Variants in SKA2 observed in about 807,000 individuals in gnomAD.
SKA2 encodes spindle and kinetochore-associated protein 2.
In SKA2, 13 loss-of-function variants were observed where a neutral mutation model predicts 16.9. The ratio of observed to expected loss-of-function variants is 0.77; its 90% CI spans 0.50 to 1.22. SKA2 has a LOEUF of 1.22. Among genes scored for constraint, SKA2 ranks in the 50% most tolerant of loss-of-function variants. SKA2 has a pLI of 0.00. For missense variants in SKA2, 107 were observed against 139.7 expected, an observed-to-expected ratio of 0.77 and a Z score of 1.18; for synonymous variants, 47 against 48.5, an observed-to-expected ratio of 0.97 and a Z score of 0.13.
intron 1 of SKA2, among the ~76,000 whole-genome samples, chr17:59,142,599 AT>A (rs1021694311): frequency 5.4e-4 from 80 of 149,172 alleles, no homozygotes; most frequent in Admixed American, 1.7e-3. Context: ...CTATGTATGT[AT>A]TTTTTTAATT....
At chr17:59,137,465 A>G (rs2046454359) in intron 1 of SKA2, among the ~76,000 whole-genome samples, 1 of 152,218 alleles carries the variant, frequency 6.6e-6, no homozygotes, top group South Asian at 2.1e-4. Context: ...GATACATGGT[A>G]GAAATTCTAG....
chr17:59,146,843 T>G (rs1003866469), intron 1 of SKA2, among the ~76,000 whole-genome samples: 1 of 152,152 alleles, frequency 6.6e-6, no homozygotes, highest in Admixed American at 6.6e-5. Context: ...GTTTTTACTT[T>G]TATTTTTAGT....
At position 59,130,626 on chromosome 17, in the gene SKA2, C is replaced by CA. The variant is rs1002412711; in HGVS notation, c.120+654dup. On this transcript the variant is annotated intron_variant, in intron 2 of 3. Transcript: ENST00000330137. ...GCCTGGACGACAGAGTGATCCGTCT[C>CA]AAAAAAAAAAAAAGATAAATATTAA... Among the ~76,000 whole-genome samples, 160 of 123,892 alleles carry CA rather than the reference C, an allele frequency of 1.3e-3. 1 individual carries two copies. The highest frequency in any genetic ancestry group is 2.3e-3 in the Admixed American group (27 of 11,948). The allele number at this position is 123,892 out of a possible 152,430, so 81.3% of individuals were successfully genotyped here. A position where few individuals can be genotyped will look rare whatever the true frequency, so the allele number is the denominator to read the frequency against.
intron 1 of SKA2, among the ~76,000 whole-genome samples, chr17:59,144,995 AC>A (rs1339984118): frequency 1.3e-5 from 2 of 152,064 alleles, no homozygotes; most frequent in Non-Finnish European, 2.9e-5. Context: ...ACGGGGTTTC[AC>A]CATGTTGCCC....
chr17:59,136,551 C>CTT (rs879557756), intron 1 of SKA2, among the ~76,000 whole-genome samples: 1 of 144,778 alleles, frequency 6.9e-6, no homozygotes, highest in Non-Finnish European at 1.5e-5. Flanking sequence ...GAAAAATAAG[C>CTT]TTTTTTTTTT....
intron 2 of SKA2, among the ~76,000 whole-genome samples, chr17:59,125,503 C>T (rs1431818529): frequency 1.3e-5 from 2 of 150,488 alleles, no homozygotes; most frequent in African/African-American, 4.9e-5. Flanking sequence ...GAGTTCAAGA[C>T]CAGCCTGACC....
At chr17:59,113,833 A>C (rs2046279461) in intron 3 of SKA2, among the ~76,000 whole-genome samples, 1 of 152,114 alleles carries the variant, frequency 6.6e-6, no homozygotes, top group Admixed American at 6.6e-5. Flanking sequence ...TCTCAAAAAA[A>C]AAAAAAAGAT....
intron 1 of SKA2, among the ~76,000 whole-genome samples, chr17:59,147,377 G>GACACACACACACACACAC (rs57098353): frequency 0.012 from 1,674 of 138,162 alleles, 33 homozygotes; most frequent in African/African-American, 0.03. Flanking sequence ...TTATATATAA[G>GACACACACACACACACAC]ACACACACAC....
chr17:59,139,354 G>A (rs1400638797), intron 1 of SKA2, among the ~76,000 whole-genome samples: 3 of 135,268 alleles, frequency 2.2e-5, no homozygotes, highest in African/African-American at 8.5e-5. Context: ...CCGAGATGGC[G>A]CCACTGCACT....
chr17:59,127,877 G>C (rs576387497), intron 2 of SKA2, among the ~76,000 whole-genome samples: 20 of 152,258 alleles, frequency 1.3e-4, no homozygotes, highest in African/African-American at 4.8e-4. Context: ...GCAGCCAAAA[G>C]GTGGAAACAA....
intron 2 of SKA2, among the ~76,000 whole-genome samples, chr17:59,122,535 T>A (rs747573143): frequency 1.8e-4 from 28 of 152,094 alleles, no homozygotes; most frequent in Non-Finnish European, 3.1e-4. Context: ...CACTTGAGCC[T>A]GGGAGGCAGA....
At chr17:59,153,101 T>C (rs1254130412) in intron 1 of SKA2, among the ~76,000 whole-genome samples, 2 of 152,238 alleles carry the variant, frequency 1.3e-5, no homozygotes, top group African/African-American at 2.4e-5. Flanking sequence ...GTGAGAATAC[T>C]GACTCTACTG....
intron 1 of SKA2, among the ~76,000 whole-genome samples, chr17:59,142,634 A>G (rs960330327): frequency 6.6e-6 from 1 of 151,388 alleles, no homozygotes; most frequent in Non-Finnish European, 1.5e-5. Context: ...ATTAAAAAAA[A>G]AGAGAGACAG....
rs181254920 is a variant in SKA2 at position 59,129,889 on chromosome 17, G to A, written c.120+1392C>T. Among the ~76,000 whole-genome samples, 164 of 129,926 alleles carry A rather than the reference G, an allele frequency of 1.3e-3. No homozygotes were observed. In the Middle Eastern group the frequency reaches 0.031, roughly 25 times the overall value. The allele number at this position is 129,926 out of a possible 152,430, so 85.2% of individuals were successfully genotyped here. Reference sequence around the variant, plus strand: ...GGAAAGGGAGGGAGAAGAAGGATGGGAGGAAGGAAAAGAGGGAGGGAGGGA... The same window carrying A: ...GGAAAGGGAGGGAGAAGAAGGATGGAAGGAAGGAAAAGAGGGAGGGAGGGA... On this transcript the variant is annotated intron_variant, in intron 2 of 3. Coordinates refer to ENST00000330137, the MANE Select transcript of SKA2 (RefSeq NM_182620.4).
At chr17:59,154,562 G>A (rs2046606482) in intron 1 of SKA2, among the ~76,000 whole-genome samples, 1 of 152,186 alleles carries the variant, frequency 6.6e-6, no homozygotes, top group African/African-American at 2.4e-5. Context: ...CCTCACCCAC[G>A]GTTTGCCACC....
chr17:59,119,524 T>TAA (rs1349573018), intron 2 of SKA2, 29 bp from the exon 3 acceptor site: 2 of 1,594,966 alleles, frequency 1.3e-6, no homozygotes, highest in Non-Finnish European at 1.7e-6. Flanking sequence ...GAACATGTAT[T>TAA]AAATTATGAA....
At chr17:59,142,915 G>A (rs560279023) in intron 1 of SKA2, among the ~76,000 whole-genome samples, 11 of 132,676 alleles carry the variant, frequency 8.3e-5, no homozygotes, top group African/African-American at 1.7e-4. Flanking sequence ...CAACAAGAGC[G>A]TAACCCCATC....
At chr17:59,148,771 T>A (rs2046553460) in intron 1 of SKA2, among the ~76,000 whole-genome samples, 1 of 133,354 alleles carries the variant, frequency 7.5e-6, no homozygotes, top group Non-Finnish European at 1.5e-5. Flanking sequence ...TGACCGCCAC[T>A]GTACTGCAAC....
chr17:59,112,325 T>C lies in SKA2; in HGVS notation c.318A>G (p.Glu106=). ...TGAATTGCTCTGCCGCAGTTTTCTC[T>C]TCTTTAGTCAGTGGTGACAGCTAGA... ...TDLELSPLTK[E]EKTAAEQFKF... The change falls in exon 4 of 4, where the codon GAA becomes GAG. Residue 106 remains glutamate (E), a synonymous_variant. Transcript: ENST00000330137. 1 of 1,611,036 alleles carries C rather than the reference T, an allele frequency of 6.2e-7. No individual in the cohort carries two copies. The highest frequency in any genetic ancestry group is 8.5e-7 in the Non-Finnish European group (1 of 1,179,470).
Sources: gnomAD v4.1 joint callset for allele counts (sites outside exome capture counted in the v4.1 genomes callset) on GRCh38, gnomAD v4.1.1 for gene constraint, MANE v1.5 for transcripts, NCBI Gene and HGNC (gene_info 2026-07-23, HGNC 2026-07-21) for gene names.